The following ATE1 variants were observed in gnomAD, a reference collection of about 807,000 sequenced individuals.
The protein encoded by ATE1 is arginyl-tRNA--protein transferase 1.
A neutral mutation model predicts 70.5 loss-of-function variants in ATE1; 36 were observed. The observed-to-expected ratio is 0.51, with a 90% CI of 0.39 to 0.67. The LOEUF is 0.67. Among genes scored for constraint, ATE1 ranks in the 30% least tolerant of loss-of-function variants. The pLI, the probability that ATE1 is intolerant of heterozygous loss-of-function variation, is 0.00. For missense variants in ATE1, 593 were observed against 629.5 expected, an observed-to-expected ratio of 0.94 and a Z score of 0.62; for synonymous variants, 232 against 219.3, an observed-to-expected ratio of 1.06 and a Z score of -0.51.
At chr10:121,876,533 T>A (rs948198615) in intron 7 of ATE1, among the ~76,000 whole-genome samples, 67 of 152,316 alleles carry the variant, frequency 4.4e-4, no homozygotes, top group African/African-American at 1.6e-3. Context: ...TGTTAAAATA[T>A]CATTTATTTA....
chr10:121,873,693 A>G (rs962896134), intron 7 of ATE1, among the ~76,000 whole-genome samples: 10 of 143,814 alleles, frequency 7.0e-5, no homozygotes, highest in African/African-American at 2.5e-4. Context: ...TGGTAAGTTA[A>G]AAAAAAAAAA....
intron 8 of ATE1, among the ~76,000 whole-genome samples, chr10:121,867,925 C>T (rs2134004035): frequency 6.6e-6 from 1 of 152,184 alleles, no homozygotes; most frequent in South Asian, 2.1e-4. Context: ...CAATTTTTTA[C>T]CATTCATTTT....
intron 11 of ATE1, among the ~76,000 whole-genome samples, chr10:121,760,338 AC>A (rs1209506015): frequency 1.3e-5 from 2 of 152,220 alleles, no homozygotes. Context: ...TAAATAGAAA[AC>A]CTTCTGGAAA....
At chr10:121,927,277 G>T (rs1383955035) in intron 1 of ATE1, 2 of 984,724 alleles carry the variant, frequency 2.0e-6, no homozygotes, top group African/African-American at 3.5e-5. Context: ...AACAGATCAG[G>T]ACAAACAGAA....
intron 8 of ATE1, among the ~76,000 whole-genome samples, chr10:121,857,958 A>G (rs747158045): frequency 2.6e-5 from 4 of 152,166 alleles, no homozygotes; most frequent in African/African-American, 4.8e-5. Flanking sequence ...TCCTTTTGTA[A>G]TTGGCTTATT....
At chr10:121,744,518 TAA>T (rs745849960) in intron 11 of ATE1, among the ~76,000 whole-genome samples, 2 of 152,154 alleles carry the variant, frequency 1.3e-5, no homozygotes, top group Non-Finnish European at 2.9e-5. Flanking sequence ...GCATCTGATT[TAA>T]GTCTGTTTTG....
intron 10 of ATE1, among the ~76,000 whole-genome samples, chr10:121,819,679 CAAAAAAA>C (rs57035123): frequency 2.3e-4 from 12 of 52,724 alleles, no homozygotes; most frequent in African/African-American, 4.4e-4. Context: ...AAGACTGTCT[CAAAAAAA>C]AAAAAAAAAA....
At chr10:121,762,698 C>T (rs1945101990) in intron 11 of ATE1, among the ~76,000 whole-genome samples, 1 of 152,182 alleles carries the variant, frequency 6.6e-6, no homozygotes, top group South Asian at 2.1e-4. Flanking sequence ...CCACTTTGTG[C>T]CCTGAGCTAC....
chr10:121,769,208 AT>A (rs1945401363), intron 11 of ATE1, among the ~76,000 whole-genome samples: 1 of 152,214 alleles, frequency 6.6e-6, no homozygotes, highest in Non-Finnish European at 1.5e-5. Flanking sequence ...ATATAAATAC[AT>A]GGAAGAGAAT....
chr10:121,874,511 G>A (rs974958885), intron 7 of ATE1, among the ~76,000 whole-genome samples: 3 of 152,202 alleles, frequency 2.0e-5, no homozygotes, highest in African/African-American at 7.2e-5. Flanking sequence ...ATTTAACAAG[G>A]AGTGGAAGCT....
At chr10:121,783,946 C>T (rs2132904) in intron 11 of ATE1, among the ~76,000 whole-genome samples, 142,301 of 152,248 alleles carry the variant, frequency 0.93, 66,839 homozygotes, top group Non-Finnish European at 0.98. Flanking sequence ...GGTGCAGTGG[C>T]GCGATCACAG....
chr10:121,918,098 G>T (rs1267190345), intron 3 of ATE1, among the ~76,000 whole-genome samples: 1 of 152,194 alleles, frequency 6.6e-6, no homozygotes, highest in East Asian at 1.9e-4. Context: ...ACTTTGGGAG[G>T]CCAAGGCAGG....
chr10:121,822,454 T>C (rs1947836797), intron 10 of ATE1, among the ~76,000 whole-genome samples: 3 of 152,194 alleles, frequency 2.0e-5, no homozygotes. Context: ...TTTTGGGTGG[T>C]TGCACAGGTG....
intron 10 of ATE1, among the ~76,000 whole-genome samples, chr10:121,819,832 A>G (rs1947720693): frequency 6.6e-6 from 1 of 151,722 alleles, no homozygotes; most frequent in Non-Finnish European, 1.5e-5. Context: ...AAAACCTATT[A>G]AAATTTAAAA....
chr10:121,923,771 G>T (rs1951973594), intron 2 of ATE1, among the ~76,000 whole-genome samples: 4 of 152,094 alleles, frequency 2.6e-5, no homozygotes, highest in African/African-American at 9.7e-5. Context: ...TGTTAAAGAA[G>T]ACATTTTTGA....
chr10:121,849,844 C>T lies in ATE1; in HGVS notation c.976-8581G>A, dbSNP rs530807681. ...GCAGCCAGAACCCCCAGATCACTCA[C>T]GCCTAGCTAAGAAATTCAGGAAAAA... On this transcript the variant is annotated intron_variant, in intron 8 of 11. Coordinates refer to ENST00000224652, the MANE Select transcript of ATE1 (RefSeq NM_001001976.3). Among the ~76,000 whole-genome samples, 23 of 151,830 alleles carry T rather than the reference C, an allele frequency of 1.5e-4. No homozygotes were observed. The East Asian group carries it at 4.3e-3, about 28-fold the overall frequency.
chr10:121,858,776 T>C (rs982211831), intron 8 of ATE1, among the ~76,000 whole-genome samples: 1 of 150,788 alleles, frequency 6.6e-6, no homozygotes, highest in Non-Finnish European at 1.5e-5. Flanking sequence ...TTTGCCACTT[T>C]AAAATGTATA....
intron 10 of ATE1, among the ~76,000 whole-genome samples, chr10:121,806,001 TG>T (rs1227050577): frequency 6.6e-6 from 1 of 152,222 alleles, no homozygotes; most frequent in African/African-American, 2.4e-5. Flanking sequence ...GTCCTGAGAC[TG>T]ACACAGCATC....
chr10:121,882,009 T>C (rs759193858), intron 7 of ATE1, among the ~76,000 whole-genome samples: 4 of 152,142 alleles, frequency 2.6e-5, no homozygotes, highest in Non-Finnish European at 2.9e-5. Flanking sequence ...TTGCCCAGGA[T>C]GGTCTCAAAC....
Sources: allele counts gnomAD v4.1 joint callset (sites outside exome capture counted in the v4.1 genomes callset), GRCh38; gene constraint gnomAD v4.1.1; transcripts MANE v1.5; gene names NCBI Gene and HGNC (gene_info 2026-07-23, HGNC 2026-07-21).